Variants in MTMR3 observed in about 807,000 individuals in gnomAD.
MTMR3 encodes the protein phosphatidylinositol-3,5-bisphosphate 3-phosphatase MTMR3.
In MTMR3, 32 loss-of-function variants were observed where a neutral mutation model predicts 132.4. The observed-to-expected ratio is 0.24, with a 90% CI of 0.18 to 0.32. MTMR3 has a LOEUF of 0.32. Among genes scored for constraint, MTMR3 ranks in the 10% least tolerant of loss-of-function variants. The probability of loss-of-function intolerance (pLI) is 1.00; values close to 1 mark genes in which losing one functional copy is unlikely to be tolerated. For missense variants in MTMR3, 1,216 were observed against 1,489.6 expected (o/e 0.82, Z 3.02); for synonymous variants, 556 against 550.3 (o/e 1.01, Z -0.14).
chr22:29,992,788 C>T (rs2066990484), intron 7 of MTMR3: 1 of 152,148 alleles, frequency 6.6e-6, no homozygotes, highest in African/African-American at 2.4e-5. Context: ...TGTTCTCTGG[C>T]CCCATGACTA....
At chr22:30,021,946 A>C in intron 17 of MTMR3, 83 bp from the exon 18 acceptor site, 1 of 1,097,812 alleles carries the variant, frequency 9.1e-7, no homozygotes, top group South Asian at 1.3e-5. Context: ...CAGAGTCCTC[A>C]GTTCTCCCTT....
intron 1 of MTMR3, among the ~76,000 whole-genome samples, chr22:29,938,723 T>C (rs2065798355): frequency 6.6e-6 from 1 of 152,222 alleles, no homozygotes; most frequent in Non-Finnish European, 1.5e-5. Flanking sequence ...GCAAATTCTT[T>C]TCTTCTTTTC....
At chr22:29,952,902 T>C (rs574053249) in intron 1 of MTMR3, among the ~76,000 whole-genome samples, 18 of 152,308 alleles carry the variant, frequency 1.2e-4, no homozygotes, top group South Asian at 2.1e-4. Flanking sequence ...GTTTCTGATA[T>C]GTGAAAAGTT....
intron 2 of MTMR3, among the ~76,000 whole-genome samples, chr22:29,966,769 G>GTGTC (rs1314515126): frequency 1.0e-4 from 14 of 138,758 alleles, no homozygotes; most frequent in South Asian, 4.6e-4. Flanking sequence ...GTGTGTGTGT[G>GTGTC]TGTCTGTCTC....
At chr22:29,889,835 T>C (rs751855207) in intron 1 of MTMR3, among the ~76,000 whole-genome samples, 5 of 152,090 alleles carry the variant, frequency 3.3e-5, no homozygotes, top group African/African-American at 7.2e-5. Context: ...AAAGCAGTAC[T>C]GTGATGAACT....
chr22:29,934,922 T>C (rs978711859), intron 1 of MTMR3, among the ~76,000 whole-genome samples: 4 of 152,250 alleles, frequency 2.6e-5, no homozygotes, highest in African/African-American at 9.6e-5. Flanking sequence ...CAGAGTTTGG[T>C]TTCGCTTAAC....
In MTMR3 at chr22:29,963,204, C is replaced by G. The variant is rs1250398190; in HGVS notation, c.-85+6116C>G. Among the ~76,000 whole-genome samples the G allele has an allele frequency of 3.3e-5, 5 of 152,070 alleles. No homozygotes were observed. In the East Asian group the frequency reaches 9.6e-4, roughly 29 times the overall value. On this transcript the variant is annotated intron_variant, in intron 2 of 19. Transcript: ENST00000401950. ...TTGAGTGATCCACCTCCCTGGACTT[C>G]CCAAAGTGCTGGGATTACAGGCATG...
intron 1 of MTMR3, among the ~76,000 whole-genome samples, chr22:29,925,064 ACT>A (rs1355904484): frequency 6.6e-6 from 1 of 151,892 alleles, no homozygotes; most frequent in African/African-American, 2.4e-5. Context: ...GACAGAGCAA[ACT>A]CTGTCACCCA....
In MTMR3 at chr22:30,007,269, A is replaced by G; in HGVS notation, c.827A>G (p.Asn276Ser). The change falls in exon 10 of 20, where the codon AAC becomes AGC. Residue 276 changes from asparagine (N) to serine (S), a missense_variant. Coordinates refer to ENST00000401950, the MANE Select transcript of MTMR3 (RefSeq NM_021090.4). ...AGTGGCAGCAAGCTGTCAACTAGGA[A>G]CACTTCTCGAGACTTTCCCAATGGG... ...RSSGSKLSTRNTSRDFPNGGD... is the reference protein window; with the variant it reads ...RSSGSKLSTRSTSRDFPNGGD... 6.2e-7 allele frequency: 1 copy of G among 1,614,186 alleles called. No individual in the cohort carries two copies. Among genetic ancestry groups the G allele is most frequent in the Non-Finnish European group, 8.5e-7 (1 of 1,180,028 alleles).
chr22:29,918,592 C>T (rs1188074132), intron 1 of MTMR3, among the ~76,000 whole-genome samples: 2 of 152,070 alleles, frequency 1.3e-5, no homozygotes, highest in South Asian at 2.1e-4. Flanking sequence ...ACAAGATCTC[C>T]GTTGTTACTC....
chr22:29,891,397 A>G (rs1173784916), intron 1 of MTMR3, among the ~76,000 whole-genome samples: 1 of 144,312 alleles, frequency 6.9e-6, no homozygotes, highest in Non-Finnish European at 1.5e-5. Context: ...TATAATATAT[A>G]TGTGTATATA....
chr22:29,946,173 T>C (rs942379367), intron 1 of MTMR3, among the ~76,000 whole-genome samples: 5 of 152,194 alleles, frequency 3.3e-5, no homozygotes, highest in Non-Finnish European at 7.4e-5. Context: ...AAAATTGGTG[T>C]CAGATTTTGT....
chr22:29,986,594 T>A, intron 5 of MTMR3: 1 of 984,452 alleles, frequency 1.0e-6, no homozygotes, highest in African/African-American at 1.7e-5. Context: ...GTTAAGGACG[T>A]AAATAAAAAC....
intron 8 of MTMR3, 71 bp from the exon 9 acceptor site, chr22:30,002,809 C>G: frequency 2.6e-6 from 3 of 1,163,138 alleles, no homozygotes; most frequent in Non-Finnish European, 3.8e-6. Context: ...CCTAGTGTCT[C>G]TCTCTCTCTC....
intron 1 of MTMR3, among the ~76,000 whole-genome samples, chr22:29,895,026 G>C (rs1228413095): frequency 6.6e-6 from 1 of 152,138 alleles, no homozygotes; most frequent in East Asian, 1.9e-4. Flanking sequence ...TGGCTAACAT[G>C]GCAAAACCCC....
At chr22:29,919,566 A>G (rs1296580661) in intron 1 of MTMR3, among the ~76,000 whole-genome samples, 1 of 152,186 alleles carries the variant, frequency 6.6e-6, no homozygotes. Context: ...TCTATAGCCC[A>G]GGATGGAGTG....
rs768299508 is a variant in MTMR3 at position 30,018,058 on chromosome 22, T to TC, written c.1813dup (p.Leu605ProfsTer8). The TC allele has an allele frequency of 6.2e-6, 10 of 1,607,566 alleles. No homozygotes were observed. The highest frequency in any genetic ancestry group is 7.6e-6 in the Non-Finnish European group (9 of 1,177,982). On this transcript the variant is annotated frameshift_variant, in exon 16 of 20. Transcript: ENST00000401950. LOFTEE classifies it high-confidence loss of function. Reference sequence around the variant, plus strand: ...CAGCCCCAGGCACCAGCCCTGATGATCCCCCCCTGAGCCGGTGAGCCCAGG... The same window carrying TC: ...CAGCCCCAGGCACCAGCCCTGATGATCCCCCCCCTGAGCCGGTGAGCCCAGG...
chr22:29,942,244 C>T lies in MTMR3; in HGVS notation c.-137-14792C>T, dbSNP rs116365415. On this transcript the variant is annotated intron_variant, in intron 1 of 19. Transcript: ENST00000401950. ...ATGTCGGCAGCTTCCGTGATGACCC[C>T]TAAGCCACAAAACCAGCAAGTTTTT... 4.5e-3 allele frequency among the ~76,000 whole-genome samples: 683 copies of T among 152,170 alleles called. 6 individuals are homozygous for T. The highest frequency in any genetic ancestry group is 0.016 in the African/African-American group (645 of 41,502).
Position 30,020,036 on chromosome 22 carries a change from G to A in MTMR3, c.2377G>A (p.Val793Met), listed in dbSNP as rs868616463. ...PRGEDSLEVP[V>M]EQFRIEEIAE... ...GGGAGAGGATTCCCTGGAGGTCCCTGTGGAGCAGTTTCGAATAGAAGAGAT... is the reference window on the plus strand; with the variant it reads ...GGGAGAGGATTCCCTGGAGGTCCCTATGGAGCAGTTTCGAATAGAAGAGAT... The change falls in exon 17 of 20, where the codon GTG (valine) becomes ATG (methionine). Residue 793 changes from valine to methionine, a missense_variant. Physicochemically the swap from Val to Met is conservative, Grantham distance 21. Around this residue, in one of 7 missense-constraint regions of MTMR3, gnomAD observed 852 missense variants for 852.0 expected, o/e 1.00. Transcript: ENST00000401950. 1.2e-6 allele frequency: 2 copies of A among 1,614,216 alleles called. No individual in the cohort carries two copies. The highest frequency in any genetic ancestry group is 8.5e-7 in the Non-Finnish European group (1 of 1,180,036).
Sources: allele counts gnomAD v4.1 joint callset (sites outside exome capture counted in the v4.1 genomes callset), GRCh38; gene constraint gnomAD v4.1.1; regional missense constraint gnomAD v4.1.1; transcripts MANE v1.5; gene names NCBI Gene and HGNC (gene_info 2026-07-23, HGNC 2026-07-21).